The following CDKL3 variants were observed in gnomAD, a reference collection of about 807,000 sequenced individuals.
CDKL3 encodes cyclin-dependent kinase-like 3.
A neutral mutation model predicts 69.3 loss-of-function variants in CDKL3; 65 were observed. The observed-to-expected ratio is 0.94, with a 90% CI of 0.77 to 1.15. The LOEUF is 1.15. Ranked by LOEUF, CDKL3 falls within the 50% of genes most tolerant of loss-of-function variation. The probability of loss-of-function intolerance (pLI) is 0.00; values close to 1 mark genes in which losing one functional copy is unlikely to be tolerated. For missense variants in CDKL3, 652 were observed against 689.2 expected (o/e 0.95, Z 0.61); for synonymous variants, 202 against 221.6 (o/e 0.91, Z 0.79).
chr5:134,302,449 T>TATAG (rs1334850453), intron 12 of CDKL3, 141 bp downstream of exon 12: 1 of 608,790 alleles, frequency 1.6e-6, no homozygotes, highest in East Asian at 3.0e-5. Context: ...TCTAGGAAAA[T>TATAG]ATAGATCTGT....
At chr5:134,295,078 A>G (rs998484416), downstream of CDKL3, among the ~76,000 whole-genome samples, 2 of 140,018 alleles carry the variant, frequency 1.4e-5, no homozygotes, top group Non-Finnish European at 3.0e-5. Flanking sequence ...GAAGTGGTGC[A>G]ATCTCGGTTC....
rs148713203 is a variant in CDKL3, at chr5:134,359,102, A to G, written c.360+795T>C. On this transcript the variant is annotated intron_variant, in intron 3 of 12. Transcript: ENST00000265334. ...GGAGTTTGAGACCAGCCTGGGTAAC[A>G]TGGGAAAACCCCATCTCTACAAAAT... is the stretch of plus-strand genomic sequence containing the variant. 6.1e-3 allele frequency among the ~76,000 whole-genome samples: 934 copies of G among 152,244 alleles called. 6 individuals are homozygous for G. The highest frequency in any genetic ancestry group is 0.021 in the African/African-American group (867 of 41,548).
intron 4 of CDKL3, among the ~76,000 whole-genome samples, chr5:134,344,484 T>C (rs1045595855): frequency 2.6e-5 from 4 of 152,076 alleles, no homozygotes; most frequent in African/African-American, 7.2e-5. Flanking sequence ...GCAAAGGATC[T>C]GAACAGACAT....
intron 7 of CDKL3, among the ~76,000 whole-genome samples, chr5:134,309,963 T>C (rs978441158): frequency 6.6e-6 from 1 of 152,060 alleles, no homozygotes; most frequent in Non-Finnish European, 1.5e-5. Flanking sequence ...CCGTAGTAGC[T>C]GGGACTACAG....
At chr5:134,291,550 A>G (rs1765124525) in intron 8 of CDKL3, among the ~76,000 whole-genome samples, 1 of 152,176 alleles carries the variant, frequency 6.6e-6, no homozygotes, top group Non-Finnish European at 1.5e-5. Context: ...GCAGGCAGAT[A>G]GATCACCTGA....
At chr5:134,306,928 T>C (rs768820802) in intron 9 of CDKL3, among the ~76,000 whole-genome samples, 24 of 152,078 alleles carry the variant, frequency 1.6e-4, no homozygotes, top group Non-Finnish European at 2.2e-4. Flanking sequence ...CTAATTTTTG[T>C]ATTTTTTGTA....
upstream of CDKL3, among the ~76,000 whole-genome samples, chr5:134,368,643 A>G (rs1021840590): frequency 7.0e-6 from 1 of 143,096 alleles, no homozygotes; most frequent in Non-Finnish European, 1.5e-5. Context: ...AAAAAAAAAG[A>G]AAGTTATTCA....
intron 2 of CDKL3, among the ~76,000 whole-genome samples, chr5:134,360,817 AATT>A (rs1755824624): frequency 6.6e-6 from 1 of 152,214 alleles, no homozygotes. Flanking sequence ...TATATAAATT[AATT>A]ATTCTCTAAT....
chr5:134,367,455 C>T (rs1192882103), upstream of CDKL3: 81 of 927,792 alleles, frequency 8.7e-5, no homozygotes, highest in Non-Finnish European at 9.8e-5. Context: ...CTCACTGCAA[C>T]CTCCTCCTTC....
At chr5:134,306,086 CTTAA>C (rs1001965814) in intron 10 of CDKL3, among the ~76,000 whole-genome samples, 42 of 152,092 alleles carry the variant, frequency 2.8e-4, no homozygotes, top group Middle Eastern at 6.8e-3. Context: ...GATATATGAA[CTTAA>C]TTAATTGTGA....
downstream of CDKL3, among the ~76,000 whole-genome samples, chr5:134,283,861 G>A (rs1392810709): frequency 6.6e-6 from 1 of 152,084 alleles, no homozygotes; most frequent in Non-Finnish European, 1.5e-5. Flanking sequence ...GGAGGTACAG[G>A]CATTGGATAA....
At chr5:134,328,832 G>A (rs893648109) in intron 4 of CDKL3, among the ~76,000 whole-genome samples, 2 of 152,112 alleles carry the variant, frequency 1.3e-5, no homozygotes, top group Non-Finnish European at 2.9e-5. Context: ...ATGGAGACCA[G>A]TAGATAGTGG....
chr5:134,371,275 G>A (rs922193273), upstream of CDKL3: 1 of 472,890 alleles, frequency 2.1e-6, no homozygotes, highest in South Asian at 2.1e-5. Context: ...ACAACCTCTA[G>A]TCTGAACACA....
intron 4 of CDKL3, among the ~76,000 whole-genome samples, chr5:134,333,656 A>C (rs1776343041): frequency 6.6e-6 from 1 of 152,224 alleles, no homozygotes; most frequent in Non-Finnish European, 1.5e-5. Flanking sequence ...CATCCCAGGG[A>C]TGAAGCTGAC....
upstream of CDKL3, among the ~76,000 whole-genome samples, chr5:134,370,833 A>G (rs981436326): frequency 6.6e-6 from 1 of 152,192 alleles, no homozygotes; most frequent in Non-Finnish European, 1.5e-5. Context: ...AAGCCACTGA[A>G]CCAACCAGAG....
chr5:134,289,595 A>G (rs1765034065), intron 8 of CDKL3, among the ~76,000 whole-genome samples: 1 of 152,186 alleles, frequency 6.6e-6, no homozygotes, highest in South Asian at 2.1e-4. Flanking sequence ...ATTTAGACCA[A>G]AAAGCACAGC....
chr5:134,325,721 T>A (rs1238050814), intron 4 of CDKL3, among the ~76,000 whole-genome samples: 1 of 151,736 alleles, frequency 6.6e-6, no homozygotes, highest in African/African-American at 2.4e-5. Context: ...CTTTTGCATT[T>A]AAAAAAAACT....
Position 134,366,470 on chromosome 5 carries a change from G to C in CDKL3, c.54C>G (p.Val18=). ...CAGTATTCTTATGTTTACATTTCATGACTGTTCCGTAACTTCCCTCTCCCA... is the reference window on the plus strand; with the variant it reads ...CAGTATTCTTATGTTTACATTTCATCACTGTTCCGTAACTTCCCTCTCCCA... The part of the protein sequence containing the change: ...GKVGEGSYGT[V]MKCKHKNTGQ... The change falls in exon 2 of 13, where the codon GTC becomes GTG. Residue 18 remains valine, a synonymous_variant. Transcript: ENST00000265334. The C allele has an allele frequency of 6.2e-7, 1 of 1,608,756 alleles. No individual in the cohort carries two copies. Among genetic ancestry groups the C allele is most frequent in the Non-Finnish European group, 8.5e-7 (1 of 1,177,370 alleles).
intron 4 of CDKL3, among the ~76,000 whole-genome samples, chr5:134,331,281 C>A (rs1316500873): frequency 1.3e-5 from 2 of 151,996 alleles, no homozygotes; most frequent in African/African-American, 2.4e-5. Flanking sequence ...TTTTAACATC[C>A]TTTCCTCCTT....
Sources: allele counts gnomAD v4.1 joint callset (sites outside exome capture counted in the v4.1 genomes callset), GRCh38; gene constraint gnomAD v4.1.1; transcripts MANE v1.5; gene names NCBI Gene and HGNC (gene_info 2026-07-23, HGNC 2026-07-21).